PCDHGA4: variants seen among roughly 807,000 people sequenced by gnomAD.
The protein encoded by PCDHGA4 is protocadherin gamma-A4.
Under a neutral mutation model 54.6 loss-of-function variants are expected in PCDHGA4, and 38 were observed. The observed-to-expected ratio is 0.70, with a 90% CI of 0.54 to 0.91. The LOEUF is 0.91. PCDHGA4 is among the 40% of genes least tolerant of loss of function. The pLI is 0.00. For synonymous variants in PCDHGA4, 511 were observed against 512.9 expected (o/e 1.00, Z 0.05); for missense variants, 1,298 against 1,220.9 (o/e 1.06, Z -0.94).
chr5:141,360,791 A>T, intron 1 of PCDHGA4: 2 of 1,613,920 alleles, frequency 1.2e-6, no homozygotes, highest in East Asian at 4.5e-5. Context: ...GATGGCGGAG[A>T]CCCACCTCAA....
At chr5:141,427,898 C>A (rs2154552434) in intron 1 of PCDHGA4, 1 of 1,570,872 alleles carries the variant, frequency 6.4e-7, no homozygotes, top group Non-Finnish European at 8.7e-7. Context: ...AGGGCTCGCC[C>A]GCGCTCAGCG....
intron 1 of PCDHGA4, chr5:141,375,437 T>G (rs763678633): frequency 3.1e-6 from 5 of 1,613,964 alleles, no homozygotes; most frequent in Non-Finnish European, 4.2e-6. Flanking sequence ...CCCGCCCACC[T>G]TCCCCCATTC....
At chr5:141,478,449 C>A in intron 1 of PCDHGA4, 1 of 1,613,540 alleles carries the variant, frequency 6.2e-7, no homozygotes. Context: ...AAACCTGGTG[C>A]AGCCAGTCCA....
intron 1 of PCDHGA4, chr5:141,360,310 C>A (rs976415127): frequency 1.6e-5 from 26 of 1,613,804 alleles, no homozygotes; most frequent in Non-Finnish European, 2.1e-5. Context: ...GCTCAGCGTC[C>A]GGGACTTGCC....
Position 141,477,426 on chromosome 5 carries a change from T to G in PCDHGA4, c.2515-17381T>G. 1 of 1,614,100 alleles carries G rather than the reference T, an allele frequency of 6.2e-7. No individual in the cohort carries two copies. Among genetic ancestry groups the G allele is most frequent in the East Asian group, 2.2e-5 (1 of 44,874 alleles). The stretch of plus-strand genomic sequence containing the variant: ...GCCCGAGACGCCGGAACCCCTTCCC[T>G]CTCAGCCCTTACAATAGTGCGTGTT... On this transcript the variant is annotated intron_variant, in intron 1 of 3. Coordinates refer to ENST00000571252, the MANE Select transcript of PCDHGA4 (RefSeq NM_018917.4). The surrounding 1 kb of genome is among the most constrained non-coding windows in gnomAD (Gnocchi z 4.9).
rs1312101699 is a variant in PCDHGA4 at position 141,421,245 on chromosome 5, G to C, written c.2514+63624G>C. ...AGCCTGCCATGGCGAATCGGCTACA[G>C]CGCGGGGACCGCAGTCGGCTGCTGC... On this transcript the variant is annotated intron_variant, in intron 1 of 3. Coordinates refer to ENST00000571252, the MANE Select transcript of PCDHGA4 (RefSeq NM_018917.4). 6.2e-7 allele frequency: 1 copy of C among 1,603,936 alleles called. No homozygotes were observed. The highest frequency in any genetic ancestry group is 8.5e-7 in the Non-Finnish European group (1 of 1,176,330).
At position 141,477,592 on chromosome 5, in the gene PCDHGA4, T is replaced by G; in HGVS notation, c.2515-17215T>G. On this transcript the variant is annotated intron_variant, in intron 1 of 3. Coordinates refer to ENST00000571252, the MANE Select transcript of PCDHGA4 (RefSeq NM_018917.4). The surrounding 1 kb of genome is among the most constrained non-coding windows in gnomAD (Gnocchi z 4.9). ...CCGACGCCCCGCAGAATGCTCGGCT[T>G]TCTTTCTTTCTCTTGGAGCAAGGAG... The G allele has an allele frequency of 6.2e-7, 1 of 1,614,142 alleles. No homozygotes were observed. Among genetic ancestry groups the G allele is most frequent in the Non-Finnish European group, 8.5e-7 (1 of 1,180,014 alleles).
In PCDHGA4 at chr5:141,389,259, G is replaced by T. The variant is rs374136353; in HGVS notation, c.2514+31638G>T. ...CTCACAGTCTTCCTATATAGTCCAC[G>T]TGGCCGAGAACAACCCGCCTGGAGC... On this transcript the variant is annotated intron_variant, in intron 1 of 3. Transcript: ENST00000571252. The T allele has an allele frequency of 1.4e-5, 22 of 1,613,888 alleles. No individual in the cohort carries two copies. The African/African-American group carries it at 2.4e-4, about 18-fold the overall frequency.
intron 1 of PCDHGA4, chr5:141,374,379 G>C (rs1163047741): frequency 6.2e-7 from 1 of 1,614,042 alleles, no homozygotes; most frequent in Admixed American, 1.7e-5. Context: ...TGTGCTCAGA[G>C]CCCGCGGTGT....
intron 1 of PCDHGA4, chr5:141,392,507 T>TC (rs2092547058): frequency 4.3e-6 from 1 of 231,946 alleles, no homozygotes; most frequent in East Asian, 8.6e-5. Context: ...GATTTTTTTT[T>TC]CTCAGTAATC....
intron 1 of PCDHGA4, chr5:141,419,113 C>A: frequency 6.2e-7 from 1 of 1,613,872 alleles, no homozygotes; most frequent in Non-Finnish European, 8.5e-7. Flanking sequence ...CCCCAGAGTA[C>A]AACGTCACCA....
intron 1 of PCDHGA4, chr5:141,378,008 G>C (rs1168840541): frequency 6.6e-6 from 1 of 152,090 alleles, no homozygotes; most frequent in Non-Finnish European, 1.5e-5. Context: ...GCTCAAATAA[G>C]CTCTACTTAT....
intron 1 of PCDHGA4, among the ~76,000 whole-genome samples, chr5:141,480,216 C>T (rs1055544952): frequency 1.9e-4 from 28 of 147,036 alleles, no homozygotes; most frequent in Non-Finnish European, 3.6e-4. Flanking sequence ...CCAGCCTGAG[C>T]GACATAGTGA....
intron 1 of PCDHGA4, chr5:141,361,431 C>A: frequency 4.3e-6 from 7 of 1,614,054 alleles, no homozygotes; most frequent in Non-Finnish European, 5.9e-6. Context: ...AGCCGCCCCT[C>A]TCCTCCAGCA....
rs1271916110 is a variant in PCDHGA4, at chr5:141,394,787, C to T, written c.2514+37166C>T. 11 of 1,613,632 alleles carry T rather than the reference C, an allele frequency of 6.8e-6. 1 individual carries two copies. The highest frequency in any genetic ancestry group is 9.3e-6 in the Non-Finnish European group (11 of 1,180,016). On this transcript the variant is annotated intron_variant, in intron 1 of 3. Transcript: ENST00000571252. ...GCCAGCCCCCTCTCTCCGCCACTGT[C>T]ACGCTCACCGTAGCCGTGGCTGACA... is the stretch of plus-strand genomic sequence containing the variant.
At chr5:141,389,811 G>A in intron 1 of PCDHGA4, 1 of 1,613,822 alleles carries the variant, frequency 6.2e-7, no homozygotes, top group Non-Finnish European at 8.5e-7. Flanking sequence ...CCTTCTGGTC[G>A]CCGTGCGTGA....
rs1210809217 is a variant in PCDHGA4 at position 141,432,990 on chromosome 5, A to G, written c.2515-61817A>G. The G allele has an allele frequency of 6.2e-7, 1 of 1,614,152 alleles. No individual in the cohort carries two copies. The highest frequency in any genetic ancestry group is 1.7e-5 in the Admixed American group (1 of 60,022). ...CCGGCGTCGCACTTTGTGGGCGTGGACGGGGTGCAGGCTTTCCTGCAGACC... is the reference window on the plus strand; with the variant it reads ...CCGGCGTCGCACTTTGTGGGCGTGGGCGGGGTGCAGGCTTTCCTGCAGACC... On this transcript the variant is annotated intron_variant, in intron 1 of 3. Transcript: ENST00000571252. This position sits in a 1 kb window ranked among gnomAD's most constrained non-coding sequence, Gnocchi z 6.0.
chr5:141,364,623 AGAGCCCACT>A, intron 1 of PCDHGA4: 1 of 1,614,178 alleles, frequency 6.2e-7, no homozygotes, highest in Non-Finnish European at 8.5e-7. Flanking sequence ...CTCTGCGCTC[AGAGCCCACT>A]GTGTGTGGTG....
intron 1 of PCDHGA4, chr5:141,403,036 C>T: frequency 1.9e-6 from 3 of 1,614,080 alleles, no homozygotes; most frequent in Non-Finnish European, 2.5e-6. Context: ...AGGCCAGGGC[C>T]AGTCAGATTC....
Sources: allele counts gnomAD v4.1 joint callset (sites outside exome capture counted in the v4.1 genomes callset), GRCh38; gene constraint gnomAD v4.1.1; non-coding constraint Gnocchi (gnomAD v3.1); transcripts MANE v1.5; gene names NCBI Gene and HGNC (gene_info 2026-07-23, HGNC 2026-07-21).